CPXM1: variants seen among roughly 807,000 people sequenced by gnomAD.
The protein encoded by CPXM1 is carboxypeptidase X, M14 family member 1.
Under a neutral mutation model 80.4 loss-of-function variants are expected in CPXM1, and 72 were observed. The observed-to-expected ratio is 0.90, with a 90% CI of 0.74 to 1.09. The LOEUF (loss-of-function observed/expected upper bound fraction) is 1.09. Among genes scored for constraint, CPXM1 ranks in the 50% least tolerant of loss-of-function variants. The pLI is 0.00. For synonymous variants in CPXM1, 403 were observed against 405.6 expected, an observed-to-expected ratio of 0.99 and a Z score of 0.08; for missense variants, 892 against 999.4, an observed-to-expected ratio of 0.89 and a Z score of 1.45.
rs1161549053 is a variant in CPXM1 at position 2,794,245 on chromosome 20, T to G, written c.2150A>C (p.Lys717Thr). 2 of 1,614,030 alleles carry G rather than the reference T, an allele frequency of 1.2e-6. No individual in the cohort carries two copies. Among genetic ancestry groups the G allele is most frequent in the South Asian group, 2.2e-5 (2 of 91,080 alleles). Residue 717 changes from lysine to threonine, a missense_variant, in exon 14 of 14, where the codon AAG (lysine) becomes ACG (threonine). Lys to Thr is a moderately conservative substitution (Grantham distance 78). This residue lies in a region of CPXM1 where 874 missense variants were observed against 958.4 expected (regional missense o/e 0.91). Transcript: ENST00000380605. The surrounding 1 kb of genome is among the most constrained non-coding windows in gnomAD (Gnocchi z 5.2). ...RLRELLAAGAKVPPDLRRRLE... is the reference protein window; with the variant it reads ...RLRELLAAGATVPPDLRRRLE... ...GCGCCTGCGAAGGTCCGGGGGCACC[T>G]TGGCCCCAGCTGCCAGCAGCTCGCG...
intron 1 of CPXM1, among the ~76,000 whole-genome samples, chr20:2,799,096 G>T (rs1022995386): frequency 2.0e-5 from 3 of 151,984 alleles, no homozygotes; most frequent in African/African-American, 4.8e-5. Context: ...TCTCCTCCCT[G>T]ATGTAACTAC....
chr20:2,798,217 C>T lies in CPXM1; in HGVS notation c.525G>A (p.Gln175=). Residue 175 remains glutamine, a synonymous_variant, in exon 4 of 14, where the codon CAG becomes CAA. Coordinates refer to ENST00000380605, the MANE Select transcript of CPXM1 (RefSeq NM_019609.5). The part of the protein sequence containing the change: ...AEEQDADPWF[Q]VDAGHPTRFS... ...AGCGGGTGGGGTGCCCAGCGTCCACCTGAAACCATGGATCGGCGTCCTGCT... is the reference window on the plus strand; with the variant it reads ...AGCGGGTGGGGTGCCCAGCGTCCACTTGAAACCATGGATCGGCGTCCTGCT... The T allele has an allele frequency of 6.2e-7, 1 of 1,614,034 alleles. No homozygotes were observed. The highest frequency in any genetic ancestry group is 1.1e-5 in the South Asian group (1 of 91,086).
At position 2,795,602 on chromosome 20, in the gene CPXM1, C is replaced by T. The variant is rs145736623; in HGVS notation, c.1717G>A (p.Gly573Arg). The T allele has an allele frequency of 5.5e-4, 881 of 1,612,978 alleles. No homozygotes were observed. The highest frequency in any genetic ancestry group is 2.6e-3 in the Middle Eastern group (16 of 6,058). ...AACTCCACCCTCAGGCACATACTCC[C>T]GGGGACCGTGTGCCAGTCAGCCCCG... is the stretch of plus-strand genomic sequence containing the variant. The part of the protein sequence containing the change: ...INGADWHTVP[G>R]SMNDFSYLHT... The change falls in exon 11 of 14, where the codon GGG becomes AGG. Residue 573 changes from glycine (G) to arginine (R), a missense_variant. This residue lies in a region of CPXM1 where 874 missense variants were observed against 958.4 expected (regional missense o/e 0.91). Coordinates refer to ENST00000380605, the MANE Select transcript of CPXM1 (RefSeq NM_019609.5). The surrounding 1 kb of genome is among the most constrained non-coding windows in gnomAD (Gnocchi z 5.4).
rs566174236 is a variant in CPXM1, at chr20:2,795,481, C to G, written c.1721-65G>C. The G allele has an allele frequency of 1.5e-5, 24 of 1,593,460 alleles. No homozygotes were observed. The African/African-American group carries it at 2.3e-4, about 15-fold the overall frequency. ...TGCGGTCCCATCCTCCCGCTACCCT[C>G]CCTTCTCTGAGGGACACTTCAGAGT... On this transcript the variant is annotated intron_variant, in intron 11 of 13. Coordinates refer to ENST00000380605, the MANE Select transcript of CPXM1 (RefSeq NM_019609.5). This position sits in a 1 kb window ranked among gnomAD's most constrained non-coding sequence, Gnocchi z 5.4.
At position 2,798,013 on chromosome 20, in the gene CPXM1, A is replaced by G. The variant is rs776498170; in HGVS notation, c.636T>C (p.Ser212=). ...GGTTCCTACTTCCCCACCAGGTCCG[A>G]CTGTCATTGCTGAACTGGACCTTGT... The part of the protein sequence containing the change: ...TSYKVQFSND[S]RTWWGSRNHS... Residue 212 remains serine (S), a synonymous_variant, in exon 5 of 14, where the codon AGT becomes AGC. Coordinates refer to ENST00000380605, the MANE Select transcript of CPXM1 (RefSeq NM_019609.5). The G allele has an allele frequency of 6.2e-7, 1 of 1,614,014 alleles. No individual in the cohort carries two copies. Among genetic ancestry groups the G allele is most frequent in the East Asian group, 2.2e-5 (1 of 44,890 alleles).
At position 2,796,851 on chromosome 20, in the gene CPXM1, G is replaced by A. The variant is rs756880482; in HGVS notation, c.921+155C>T. ...GCGCCATAATAAGGGAAAGTGGGAT[G>A]GAGCTTAGGGGTCCACAGGAGAGAA... On this transcript the variant is annotated intron_variant, in intron 7 of 13. Coordinates refer to ENST00000380605, the MANE Select transcript of CPXM1 (RefSeq NM_019609.5). This position sits in a 1 kb window ranked among gnomAD's most constrained non-coding sequence, Gnocchi z 6.8. Among the ~76,000 whole-genome samples, 26 of 152,088 alleles carry A rather than the reference G, an allele frequency of 1.7e-4. No homozygotes were observed. Among genetic ancestry groups the A allele is most frequent in the Non-Finnish European group, 2.6e-4 (18 of 68,010 alleles).
chr20:2,798,795 C>T lies in CPXM1; in HGVS notation c.271G>A (p.Val91Met), dbSNP rs767256988. Residue 91 changes from valine to methionine, a missense_variant, in exon 2 of 14, where the codon GTG becomes ATG. Val to Met is a conservative substitution (Grantham distance 21, BLOSUM62 1). This residue lies in a region of CPXM1 where 874 missense variants were observed against 958.4 expected (regional missense o/e 0.91). Transcript: ENST00000380605. ...KLTLTRPTPL[V>M]TAGPLVTPTP... ...GGGGTCACAAGGGGCCCGGCAGTCA[C>T]CAGTGGGGTGGGGCGAGTTAGAGTT... is the stretch of plus-strand genomic sequence containing the variant. 4 of 1,614,038 alleles carry T rather than the reference C, an allele frequency of 2.5e-6. No homozygotes were observed. In the Admixed American group the frequency reaches 6.7e-5, roughly 27 times the overall value.
rs2088499994 is a variant in CPXM1 at position 2,795,810 on chromosome 20, C to A, written c.1509G>T (p.Val503=). 6.2e-7 allele frequency: 1 copy of A among 1,611,922 alleles called. No homozygotes were observed. The highest frequency in any genetic ancestry group is 1.7e-5 in the Admixed American group (1 of 60,012). The part of the protein sequence containing the change: ...LSANLHGGEL[V]VSYPFDMTRT... Reference sequence around the variant, plus strand: ...GAGTCATGTCGAATGGGTAGGACACCACGAGCTCACCCCCGTGGAGGTTGG... The same window carrying A: ...GAGTCATGTCGAATGGGTAGGACACAACGAGCTCACCCCCGTGGAGGTTGG... Residue 503 remains valine (V), a synonymous_variant, in exon 11 of 14, where the codon GTG becomes GTT. Coordinates refer to ENST00000380605, the MANE Select transcript of CPXM1 (RefSeq NM_019609.5). The surrounding 1 kb of genome is among the most constrained non-coding windows in gnomAD (Gnocchi z 5.4).
chr20:2,794,282 TG>T lies in CPXM1; in HGVS notation c.2112del (p.Lys705AsnfsTer25), dbSNP rs1451152383. On this transcript the variant is annotated frameshift_variant, in exon 14 of 14. Transcript: ENST00000380605. LOFTEE classifies it high-confidence loss of function. The surrounding 1 kb of genome is among the most constrained non-coding windows in gnomAD (Gnocchi z 5.2). ...GCCAGCAGCTCGCGCAGCCTCTGTT[TG>T]GGAGTCTTGGTGAGCACGAAATTGC... is the stretch of plus-strand genomic sequence containing the variant. The part of the protein sequence containing the change: ...FPCNFVLTKT[P>X]KQRLRELLAA... The T allele has an allele frequency of 6.2e-7, 1 of 1,613,956 alleles. No homozygotes were observed. Among genetic ancestry groups the T allele is most frequent in the African/African-American group, 1.3e-5 (1 of 74,910 alleles).
Position 2,795,429 on chromosome 20 carries a change from C to A in CPXM1, c.1721-13G>T, listed in dbSNP as rs758656907. 2 of 1,612,154 alleles carry A rather than the reference C, an allele frequency of 1.2e-6. No individual in the cohort carries two copies. Among genetic ancestry groups the A allele is most frequent in the Non-Finnish European group, 1.7e-6 (2 of 1,178,478 alleles). ...AAGTCATTCATGCCTAAGGGGACCA[C>A]AGACACTGCTGCCTAAGCAGGCGGG... On this transcript the variant is annotated splice_polypyrimidine_tract_variant and intron_variant, in intron 11 of 13. Coordinates refer to ENST00000380605, the MANE Select transcript of CPXM1 (RefSeq NM_019609.5). The surrounding 1 kb of genome is among the most constrained non-coding windows in gnomAD (Gnocchi z 5.4).
chr20:2,800,609 C>T lies in CPXM1; in HGVS notation c.-37G>A. The stretch of plus-strand genomic sequence containing the variant: ...AGTGCCAGGGGCGCGCGGGCTACGG[C>T]GGGTGGCGGGTCGGTCTCTTCCTGC... On this transcript the variant is annotated 5_prime_UTR_variant, in exon 1 of 14. Coordinates refer to ENST00000380605, the MANE Select transcript of CPXM1 (RefSeq NM_019609.5). 1 of 1,312,122 alleles carries T rather than the reference C, an allele frequency of 7.6e-7. No homozygotes were observed. Among genetic ancestry groups the T allele is most frequent in the East Asian group, 3.2e-5 (1 of 31,704 alleles). 81.3% of individuals were successfully genotyped at this position (1,312,122 alleles called of 1,614,324 possible).
intron 4 of CPXM1, 26 bp downstream of exon 4, chr20:2,798,126 C>A (rs775485463): frequency 1.2e-6 from 2 of 1,613,620 alleles, no homozygotes; most frequent in East Asian, 2.2e-5. Context: ...TCTGTGACCT[C>A]CTGACCTAGG....
chr20:2,796,630 C>T lies in CPXM1; in HGVS notation c.942G>A (p.Glu314=). 2 of 1,614,096 alleles carry T rather than the reference C, an allele frequency of 1.2e-6. No individual in the cohort carries two copies. Among genetic ancestry groups the T allele is most frequent in the Non-Finnish European group, 1.7e-6 (2 of 1,179,976 alleles). Residue 314 remains glutamate (E), a synonymous_variant, in exon 8 of 14, where the codon GAG becomes GAA. Transcript: ENST00000380605. This position sits in a 1 kb window ranked among gnomAD's most constrained non-coding sequence, Gnocchi z 6.8. The part of the protein sequence containing the change: ...AMRKLMKQVQ[E]QCPNITRIYS... ...AGATGCGGGTGATGTTGGGGCATTG[C>T]TCTTGTACCTGCTTCATCAGCTGGT...
chr20:2,798,359 G>A, intron 3 of CPXM1, 68 bp from the exon 4 acceptor site: 2 of 1,603,310 alleles, frequency 1.2e-6, no homozygotes, highest in South Asian at 2.2e-5. Flanking sequence ...CAGAGAGGAG[G>A]CAGGAGAGAA....
chr20:2,796,877 G>C lies in CPXM1; in HGVS notation c.921+129C>G. 2 of 1,021,392 alleles carry C rather than the reference G, an allele frequency of 2.0e-6. No individual in the cohort carries two copies. The highest frequency in any genetic ancestry group is 5.1e-5 in the East Asian group (2 of 39,062). The allele number at this position is 1,021,392 out of a possible 1,614,324, so 63.3% of individuals were successfully genotyped here. On this transcript the variant is annotated intron_variant, in intron 7 of 13. Transcript: ENST00000380605. This position sits in a 1 kb window ranked among gnomAD's most constrained non-coding sequence, Gnocchi z 6.8. Reference sequence around the variant, plus strand: ...GAGCTTAGGGGTCCACAGGAGAGAAGGCTGAGACATCAGGAGGCAGCAGGG... The same window carrying C: ...GAGCTTAGGGGTCCACAGGAGAGAACGCTGAGACATCAGGAGGCAGCAGGG...
In CPXM1 at chr20:2,798,043, T is replaced by C. The variant is rs2088528115; in HGVS notation, c.606A>G (p.Thr202=). The C allele has an allele frequency of 1.2e-6, 2 of 1,614,024 alleles. No homozygotes were observed. The highest frequency in any genetic ancestry group is 1.7e-6 in the Non-Finnish European group (2 of 1,180,000). ...CATTGCTGAACTGGACCTTGTATGA[T>C]GTGACCCAGTCATACCTGGCAGGAG... ...RNSVWRYDWV[T]SYKVQFSNDS... is the part of the protein sequence containing the mutation. Residue 202 remains threonine (T), a synonymous_variant, in exon 5 of 14, where the codon ACA becomes ACG. Transcript: ENST00000380605.
chr20:2,799,353 G>T (rs1475789202), intron 1 of CPXM1, among the ~76,000 whole-genome samples: 1 of 152,130 alleles, frequency 6.6e-6, no homozygotes, highest in Non-Finnish European at 1.5e-5. Context: ...TCAGCATCAT[G>T]CCCCAAAACC....
Position 2,796,149 on chromosome 20 carries a change from C to T in CPXM1, c.1255G>A (p.Val419Met), listed in dbSNP as rs1271725926. 1 of 1,610,944 alleles carries T rather than the reference C, an allele frequency of 6.2e-7. No homozygotes were observed. Among genetic ancestry groups the T allele is most frequent in the Admixed American group, 1.7e-5 (1 of 59,804 alleles). The change falls in exon 10 of 14, where the codon GTG (valine) becomes ATG (methionine). Residue 419 changes from valine to methionine, a missense_variant. This residue lies in a region of CPXM1 where 874 missense variants were observed against 958.4 expected (regional missense o/e 0.91). Transcript: ENST00000380605. The surrounding 1 kb of genome is among the most constrained non-coding windows in gnomAD (Gnocchi z 6.8). ...TTCCAGCGGCCCTCGGCCCAGCCCA[C>T]CAGCTCTGAACCCTGCCGGGCAAGA... ...EIAYHRGSEL[V>M]GWAEGRWNNQ...
At position 2,794,084 on chromosome 20, in the gene CPXM1, G is replaced by T. The variant is rs753047072; in HGVS notation, c.*106C>A. On this transcript the variant is annotated 3_prime_UTR_variant, in exon 14 of 14. Coordinates refer to ENST00000380605, the MANE Select transcript of CPXM1 (RefSeq NM_019609.5). This position sits in a 1 kb window ranked among gnomAD's most constrained non-coding sequence, Gnocchi z 5.2. ...AACACGAAGATGAGCTAAGGTGCCCGGTAGCTTTAATGAGCACCTTTTCCT... is the reference window on the plus strand; with the variant it reads ...AACACGAAGATGAGCTAAGGTGCCCTGTAGCTTTAATGAGCACCTTTTCCT... The T allele has an allele frequency of 4.1e-6, 6 of 1,445,920 alleles. 1 individual carries two copies. The South Asian group carries it at 8.2e-5, about 20-fold the overall frequency. The allele number at this position is 1,445,920 out of a possible 1,614,324, so 89.6% of individuals were successfully genotyped here.
Sources: allele counts gnomAD v4.1 joint callset (sites outside exome capture counted in the v4.1 genomes callset), GRCh38; gene constraint gnomAD v4.1.1; regional missense constraint gnomAD v4.1.1; non-coding constraint Gnocchi (gnomAD v3.1); transcripts MANE v1.5; gene names NCBI Gene and HGNC (gene_info 2026-07-23, HGNC 2026-07-21).